Variants in HECW1 observed in about 807,000 individuals in gnomAD.
HECW1 encodes the protein HECT, C2 and WW domain containing E3 ubiquitin protein ligase 1, also known as E3 ubiquitin-protein ligase HECW1.
A neutral mutation model predicts 182.3 loss-of-function variants in HECW1; 61 were observed. The ratio of observed to expected loss-of-function variants is 0.33; its 90% CI spans 0.27 to 0.41. The LOEUF (loss-of-function observed/expected upper bound fraction) is 0.41. Among genes scored for constraint, HECW1 ranks in the 10% least tolerant of loss-of-function variants. The probability of loss-of-function intolerance (pLI) is 1.00; values close to 1 mark genes in which losing one functional copy is unlikely to be tolerated. For synonymous variants in HECW1, 859 were observed against 832.6 expected (o/e 1.03, Z -0.55); for missense variants, 1,739 against 2,108.9 (o/e 0.82, Z 3.44).
intron 24 of HECW1, among the ~76,000 whole-genome samples, chr7:43,525,258 G>A (rs1331439992): frequency 6.6e-6 from 1 of 152,044 alleles, no homozygotes; most frequent in African/African-American, 2.4e-5. Context: ...AACAAAATTG[G>A]AACTATTATT....
chr7:43,223,750 A>C (rs1490456564), intron 2 of HECW1, among the ~76,000 whole-genome samples: 2 of 151,894 alleles, frequency 1.3e-5, no homozygotes, highest in African/African-American at 4.8e-5. Flanking sequence ...CTCTCTCCTT[A>C]CCTCTCACTC....
chr7:43,170,847 G>A (rs1417696621), intron 2 of HECW1, among the ~76,000 whole-genome samples: 1 of 152,192 alleles, frequency 6.6e-6, no homozygotes, highest in Non-Finnish European at 1.5e-5. Flanking sequence ...AGAGTTGGCT[G>A]AGCTGAAAGT....
At chr7:43,494,056 A>G (rs2079028441) in intron 19 of HECW1, among the ~76,000 whole-genome samples, 1 of 151,984 alleles carries the variant, frequency 6.6e-6, no homozygotes. Context: ...GCAATACCAT[A>G]CTCCGACTTC....
chr7:43,407,592 T>C lies in HECW1; in HGVS notation c.662T>C (p.Met221Thr). 2 of 1,613,336 alleles carry C rather than the reference T, an allele frequency of 1.2e-6. No individual in the cohort carries two copies. Among genetic ancestry groups the C allele is most frequent in the Non-Finnish European group, 1.7e-6 (2 of 1,179,442 alleles). Residue 221 changes from methionine to threonine, a missense_variant, in exon 8 of 30, where the codon ATG (methionine) becomes ACG (threonine). Physicochemically the swap from Met to Thr is moderately conservative, Grantham distance 81. Coordinates refer to ENST00000395891, the MANE Select transcript of HECW1 (RefSeq NM_015052.5). ...DFQAMGLKKG[M>T]FFNPDPYLKI... The stretch of plus-strand genomic sequence containing the variant: ...CAAGCCATGGGGTTGAAGAAAGGGA[T>C]GTTTTTCAACCCAGACCCTTATCTG...
chr7:43,220,180 CTTA>C, intron 2 of HECW1, among the ~76,000 whole-genome samples: 1 of 152,288 alleles, frequency 6.6e-6, no homozygotes, highest in East Asian at 1.9e-4. Flanking sequence ...AAGTGGTATA[CTTA>C]TTATTACAGT....
chr7:43,384,624 G>A (rs1213559476), intron 6 of HECW1, among the ~76,000 whole-genome samples: 10 of 152,248 alleles, frequency 6.6e-5, no homozygotes, highest in Middle Eastern at 3.4e-3. Flanking sequence ...GAAAACGTTT[G>A]CCTTTAAAAA....
At chr7:43,127,783 A>C (rs2330741) in intron 2 of HECW1, among the ~76,000 whole-genome samples, 45,190 of 152,152 alleles carry the variant, frequency 0.3, 6,959 homozygotes, top group Admixed American at 0.35. Context: ...ATAAAAGTAC[A>C]AGATGAAGCA....
intron 2 of HECW1, among the ~76,000 whole-genome samples, chr7:43,166,353 A>G (rs1019728066): frequency 6.6e-6 from 1 of 152,108 alleles, no homozygotes; most frequent in African/African-American, 2.4e-5. Flanking sequence ...CCAAAGTGCT[A>G]AGATTATAGG....
chr7:43,338,871 A>T lies in HECW1; in HGVS notation c.460+18129A>T, dbSNP rs75401048. The stretch of plus-strand genomic sequence containing the variant: ...TTAGTATTTCTTTTAGTGCAATCCC[A>T]CTGGAGATAAATAGTCTCAGTTTTT... On this transcript the variant is annotated intron_variant, in intron 5 of 29. Coordinates refer to ENST00000395891, the MANE Select transcript of HECW1 (RefSeq NM_015052.5). Among the ~76,000 whole-genome samples, 96 of 152,034 alleles carry T rather than the reference A, an allele frequency of 6.3e-4. No homozygotes were observed. The East Asian group carries it at 0.017, about 28-fold the overall frequency.
intron 12 of HECW1, among the ~76,000 whole-genome samples, chr7:43,456,030 AT>A (rs2152888372): frequency 6.6e-6 from 1 of 152,246 alleles, no homozygotes; most frequent in African/African-American, 2.4e-5. Flanking sequence ...AAGTATTAGA[AT>A]TTTAACATAG....
At chr7:43,297,710 A>G (rs1471663400) in intron 3 of HECW1, among the ~76,000 whole-genome samples, 1 of 152,186 alleles carries the variant, frequency 6.6e-6, no homozygotes, top group African/African-American at 2.4e-5. Flanking sequence ...CAGTGTGTTT[A>G]TAAGATGGCA....
At chr7:43,357,073 A>G (rs1465212125) in intron 5 of HECW1, among the ~76,000 whole-genome samples, 3 of 152,184 alleles carry the variant, frequency 2.0e-5, no homozygotes, top group Non-Finnish European at 4.4e-5. Context: ...CAGGACAGGG[A>G]GCAACAAATG....
At chr7:43,539,959 T>C (rs1161777772) in intron 24 of HECW1, among the ~76,000 whole-genome samples, 2 of 152,196 alleles carry the variant, frequency 1.3e-5, no homozygotes, top group Admixed American at 6.5e-5. Context: ...CAAGGACCCA[T>C]TGTCCCAGAA....
intron 24 of HECW1, among the ~76,000 whole-genome samples, chr7:43,536,800 C>T (rs945334721): frequency 4.6e-5 from 7 of 152,158 alleles, no homozygotes. Flanking sequence ...CAAAAGAGTC[C>T]CTGTAAACTC....
chr7:43,124,170 A>G (rs1377233266), intron 2 of HECW1, among the ~76,000 whole-genome samples: 1 of 152,160 alleles, frequency 6.6e-6, no homozygotes, highest in Non-Finnish European at 1.5e-5. Context: ...AGAAACATGA[A>G]ACTTTGTGGT....
chr7:43,322,626 G>A (rs1810271179), intron 5 of HECW1, among the ~76,000 whole-genome samples: 1 of 152,104 alleles, frequency 6.6e-6, no homozygotes, highest in African/African-American at 2.4e-5. Flanking sequence ...CTAACAAATA[G>A]CATCATTCAG....
At chr7:43,408,975 A>C (rs2075706614) in intron 8 of HECW1, among the ~76,000 whole-genome samples, 1 of 152,192 alleles carries the variant, frequency 6.6e-6, no homozygotes, top group Non-Finnish European at 1.5e-5. Flanking sequence ...ACGTGCTCCC[A>C]CCAAAGGAAC....
chr7:43,277,116 T>C (rs897090459), intron 3 of HECW1, among the ~76,000 whole-genome samples: 4 of 152,170 alleles, frequency 2.6e-5, no homozygotes, highest in Non-Finnish European at 4.4e-5. Flanking sequence ...GATTTTATAA[T>C]ATATGTGAAA....
chr7:43,202,543 G>A (rs948206219), intron 2 of HECW1, among the ~76,000 whole-genome samples: 5 of 149,340 alleles, frequency 3.3e-5, no homozygotes, highest in Admixed American at 1.3e-4. Context: ...GTGCAATCTC[G>A]GCTCACTGAA....
Sources: gnomAD v4.1 joint callset for allele counts (sites outside exome capture counted in the v4.1 genomes callset) on GRCh38, gnomAD v4.1.1 for gene constraint, MANE v1.5 for transcripts, NCBI Gene and HGNC (gene_info 2026-07-23, HGNC 2026-07-21) for gene names.